Variants in CEP290 observed in about 807,000 individuals in gnomAD.
The protein encoded by CEP290 is centrosomal protein of 290 kDa.
CEP290 carries 317 observed loss-of-function variants against 344.9 expected under a neutral mutation model. The observed-to-expected ratio is 0.92, with a 90% CI of 0.84 to 1.01. CEP290 has a LOEUF of 1.01. Ranked by LOEUF, CEP290 falls within the 50% of genes least tolerant of loss-of-function variation. The pLI is 0.00. For synonymous variants in CEP290, 932 were observed against 895.8 expected (o/e 1.04, Z -0.72); for missense variants, 2,754 against 2,761.4 (o/e 1.00, Z 0.06).
chr12:88,120,343 A>ATT (rs527630483), intron 14 of CEP290, 67 bp from the exon 15 acceptor site: 6 of 779,078 alleles, frequency 7.7e-6, no homozygotes, highest in Admixed American at 4.2e-5. Flanking sequence ...CAAGTTCATG[A>ATT]TTTTTTTTTT....
In CEP290 at chr12:88,054,540, CTA is replaced by C. The variant is rs2033847030; in HGVS notation, c.6961-129_6961-128del. 4.4e-6 allele frequency: 3 copies of C among 674,882 alleles called. No individual in the cohort carries two copies. The South Asian group carries it at 5.6e-5, about 13-fold the overall frequency. 41.8% of individuals were successfully genotyped at this position (674,882 alleles called of 1,614,324 possible). A position where few individuals can be genotyped will look rare whatever the true frequency, so the allele number is the denominator to read the frequency against. On this transcript the variant is annotated intron_variant, in intron 50 of 53. Coordinates refer to ENST00000552810, the MANE Select transcript of CEP290 (RefSeq NM_025114.4). The stretch of plus-strand genomic sequence containing the variant: ...TTCAAAAGCACGCATAGGCAAATTT[CTA>C]TGTTCTATTCACCATTCATTCAACA...
In CEP290 at chr12:88,120,168, C is replaced by A; in HGVS notation, c.1468G>T (p.Glu490Ter). ...EILTKEINKLELKISDFLDEN... is the reference protein window; with the variant it reads ...EILTKEINKL ...TCAAGGAAATCACTGATCTTCAATTCAAGTTTATTGATTTCCTTTGTTAAT... is the reference window on the plus strand; with the variant it reads ...TCAAGGAAATCACTGATCTTCAATTAAAGTTTATTGATTTCCTTTGTTAAT... The change falls in exon 15 of 54, where the codon GAA (glutamate) becomes TAA (stop). Residue 490 changes from glutamate to a stop codon, truncating the protein, a stop_gained. Transcript: ENST00000552810. LOFTEE classifies it high-confidence loss of function. 6.5e-7 allele frequency: 1 copy of A among 1,536,806 alleles called. No homozygotes were observed. Among genetic ancestry groups the A allele is most frequent in the Non-Finnish European group, 8.8e-7 (1 of 1,139,060 alleles).
At chr12:88,106,384 TA>T (rs2038281272) in intron 25 of CEP290, among the ~76,000 whole-genome samples, 1 of 152,174 alleles carries the variant, frequency 6.6e-6, no homozygotes, top group Admixed American at 6.5e-5. Flanking sequence ...AAAATGTGAC[TA>T]TAATCAGGGT....
intron 1 of CEP290, among the ~76,000 whole-genome samples, 197 bp downstream of exon 1, chr12:88,141,703 T>C (rs888198875): frequency 1.3e-5 from 2 of 151,780 alleles, no homozygotes; most frequent in African/African-American, 2.4e-5. Context: ...AGAAACAGAA[T>C]TGGGGCTGAA....
chr12:88,114,329 T>G (rs985610769), intron 20 of CEP290, 91 bp downstream of exon 20: 10 of 1,005,340 alleles, frequency 9.9e-6, no homozygotes, highest in African/African-American at 1.7e-5. Flanking sequence ...TGACTAAAAA[T>G]ATCTCATCAG....
intron 23 of CEP290, among the ~76,000 whole-genome samples, chr12:88,107,762 C>T (rs925915909): frequency 1.3e-4 from 19 of 151,876 alleles, no homozygotes; most frequent in African/African-American, 2.2e-4. Context: ...ATTAGCCAGG[C>T]GTGGTGGCAC....
rs781670422 is a variant in CEP290 at position 88,109,158 on chromosome 12, CT to C, written c.2390del (p.Lys797SerfsTer2). On this transcript the variant is annotated frameshift_variant, in exon 23 of 54. Coordinates refer to ENST00000552810, the MANE Select transcript of CEP290 (RefSeq NM_025114.4). LOFTEE classifies it high-confidence loss of function. ...LLQELENKEK[K>X]LKNLEDSLED... Reference sequence around the variant, plus strand: ...CAAGAGAATCTTCTAAATTCTTTAACTTTTTTTCTTTATTTTCTAGTTCCTG... The same window carrying C: ...CAAGAGAATCTTCTAAATTCTTTAACTTTTTTCTTTATTTTCTAGTTCCTG... 1.9e-5 allele frequency: 25 copies of C among 1,331,726 alleles called. No homozygotes were observed. The highest frequency in any genetic ancestry group is 1.2e-4 in the African/African-American group (8 of 65,462). The allele number at this position is 1,331,726 out of a possible 1,614,324, so 82.5% of individuals were successfully genotyped here.
rs989475059 is a variant in CEP290, at chr12:88,115,558, C to T, written c.1825-376G>A. 3.4e-5 allele frequency: 44 copies of T among 1,290,220 alleles called. 1 individual carries two copies. Among genetic ancestry groups the T allele is most frequent in the African/African-American group, 3.3e-4 (22 of 65,906 alleles). 79.9% of individuals were successfully genotyped at this position (1,290,220 alleles called of 1,614,324 possible). A position where few individuals can be genotyped will look rare whatever the true frequency, so the allele number is the denominator to read the frequency against. On this transcript the variant is annotated intron_variant, in intron 18 of 53. Coordinates refer to ENST00000552810, the MANE Select transcript of CEP290 (RefSeq NM_025114.4). Reference sequence around the variant, plus strand: ...GCTTCTTTGATCAAGAATTCCTGTGCTATGATTTCATTCTAAAGAAAAATT... The same window carrying T: ...GCTTCTTTGATCAAGAATTCCTGTGTTATGATTTCATTCTAAAGAAAAATT...
intron 52 of CEP290, among the ~76,000 whole-genome samples, chr12:88,052,053 C>G (rs1418185970): frequency 6.6e-6 from 1 of 152,084 alleles, no homozygotes; most frequent in African/African-American, 2.4e-5. Flanking sequence ...AAAATGGAGA[C>G]AGTAATACCT....
At chr12:88,074,807 G>A (rs1355547330) in intron 41 of CEP290, among the ~76,000 whole-genome samples, 1 of 152,182 alleles carries the variant, frequency 6.6e-6, no homozygotes, top group African/African-American at 2.4e-5. Flanking sequence ...GTTCAGAGAG[G>A]TTCTGGAGAA....
intron 18 of CEP290, chr12:88,115,444 A>C: frequency 7.9e-7 from 1 of 1,261,950 alleles, no homozygotes; most frequent in Non-Finnish European, 1.0e-6. Flanking sequence ...TTAGTACCAC[A>C]ATCATCTCTT....
rs769886105 is a variant in CEP290 at position 88,060,859 on chromosome 12, T to A, written c.6493A>T (p.Asn2165Tyr). 2.6e-6 allele frequency: 4 copies of A among 1,544,024 alleles called. No homozygotes were observed. Among genetic ancestry groups the A allele is most frequent in the Non-Finnish European group, 3.5e-6 (4 of 1,145,606 alleles). Reference protein sequence around the residue: ...SGILTSEKMANIEQENEKLKA... With the variant: ...SGILTSEKMAYIEQENEKLKA... ...AATTTTTCATTTTCCTGCTCAATATTAGCCATTTTTTCACTAGTCAATATT... is the reference window on the plus strand; with the variant it reads ...AATTTTTCATTTTCCTGCTCAATATAAGCCATTTTTTCACTAGTCAATATT... The change falls in exon 47 of 54, where the codon AAT becomes TAT. Residue 2165 changes from asparagine to tyrosine, a missense_variant. Asn to Tyr is a moderately radical substitution (Grantham distance 143). Coordinates refer to ENST00000552810, the MANE Select transcript of CEP290 (RefSeq NM_025114.4).
At chr12:88,125,108 A>G (rs1440305610) in intron 13 of CEP290, 138 bp downstream of exon 13, 1 of 302,044 alleles carries the variant, frequency 3.3e-6, no homozygotes, top group Non-Finnish European at 6.0e-6. Flanking sequence ...GTATAATAAT[A>G]AATATCTTGT....
chr12:88,105,059 T>G (rs1358762339), intron 25 of CEP290, among the ~76,000 whole-genome samples: 1 of 152,176 alleles, frequency 6.6e-6, no homozygotes. Context: ...TGATGCCCAG[T>G]GGCCAGTTTT....
At chr12:88,112,792 T>C (rs2137745394) in intron 20 of CEP290, among the ~76,000 whole-genome samples, 1 of 152,160 alleles carries the variant, frequency 6.6e-6, no homozygotes, top group Non-Finnish European at 1.5e-5. Context: ...GAGTAATAAC[T>C]TATACTAACT....
In CEP290 at chr12:88,087,939, G is replaced by T; in HGVS notation, c.4035C>A (p.Ile1345=). 8.8e-7 allele frequency: 1 copy of T among 1,136,546 alleles called. No homozygotes were observed. 70.4% of individuals were successfully genotyped at this position (1,136,546 alleles called of 1,614,324 possible). A position where few individuals can be genotyped will look rare whatever the true frequency, so the allele number is the denominator to read the frequency against. The part of the protein sequence containing the change: ...LKDTKGAQKV[I]NWHMKIEELR... ...GTTCTTCTATTTTCATATGCCAGTTGATTACCTAAGATTTACAATTTATAT... is the reference window on the plus strand; with the variant it reads ...GTTCTTCTATTTTCATATGCCAGTTTATTACCTAAGATTTACAATTTATAT... Residue 1345 remains isoleucine, a synonymous_variant, in exon 32 of 54, where the codon ATC becomes ATA. Coordinates refer to ENST00000552810, the MANE Select transcript of CEP290 (RefSeq NM_025114.4).
At chr12:88,104,888 G>A (rs1460018460) in intron 25 of CEP290, among the ~76,000 whole-genome samples, 3 of 151,962 alleles carry the variant, frequency 2.0e-5, no homozygotes, top group Admixed American at 6.5e-5. Context: ...AAAAATACAA[G>A]TGCAAAATCA....
rs1275942966 is a variant in CEP290 at position 88,090,751 on chromosome 12, T to G, written c.3550A>C (p.Arg1184=). 3.2e-6 allele frequency: 5 copies of G among 1,559,222 alleles called. No individual in the cohort carries two copies. The highest frequency in any genetic ancestry group is 2.3e-5 in the East Asian group (1 of 42,784). The change falls in exon 30 of 54, where the codon AGA becomes CGA. Residue 1184 remains arginine (R), a synonymous_variant. Coordinates refer to ENST00000552810, the MANE Select transcript of CEP290 (RefSeq NM_025114.4). ...QSRDKEVESL[R]MQLLDYQAQS... The stretch of plus-strand genomic sequence containing the variant: ...ACCTGATAGTCTAGCAGTTGCATTC[T>G]GAGGGACTCTACTTCCTTGTCCCTA...
chr12:88,106,574 T>G lies in CEP290; in HGVS notation c.2817+101A>C, dbSNP rs2038295833. 2.1e-5 allele frequency: 15 copies of G among 697,916 alleles called. No homozygotes were observed. In the South Asian group the frequency reaches 2.8e-4, roughly 13 times the overall value. 43.2% of individuals were successfully genotyped at this position (697,916 alleles called of 1,614,324 possible). A position where few individuals can be genotyped will look rare whatever the true frequency, so the allele number is the denominator to read the frequency against. ...ATTATGACAAAATGTTAATAAATGT[T>G]AACTATTAATTCAGGTGATGAGCAT... On this transcript the variant is annotated intron_variant, in intron 25 of 53. Coordinates refer to ENST00000552810, the MANE Select transcript of CEP290 (RefSeq NM_025114.4).
Sources: gnomAD v4.1 joint callset for allele counts (sites outside exome capture counted in the v4.1 genomes callset) on GRCh38, gnomAD v4.1.1 for gene constraint, MANE v1.5 for transcripts, NCBI Gene and HGNC (gene_info 2026-07-23, HGNC 2026-07-21) for gene names.